The following PRKAA1 variants were observed in gnomAD, a reference collection of about 807,000 sequenced individuals.
PRKAA1 encodes 5'-AMP-activated protein kinase catalytic subunit alpha-1.
A neutral mutation model predicts 56.9 loss-of-function variants in PRKAA1; 23 were observed. The observed-to-expected ratio is 0.40, with a 90% CI of 0.29 to 0.57. The LOEUF (loss-of-function observed/expected upper bound fraction) is 0.57, where lower values mean the gene tolerates loss of function less well. Among genes scored for constraint, PRKAA1 ranks in the 20% least tolerant of loss-of-function variants. PRKAA1 has a pLI of 0.39. For missense variants in PRKAA1, 413 were observed against 679.7 expected (o/e 0.61, Z 4.36); for synonymous variants, 226 against 227.0 (o/e 1.00, Z 0.04).
chr5:40,778,779 A>AT (rs70988808), intron 1 of PRKAA1, among the ~76,000 whole-genome samples: 1,003 of 57,546 alleles, frequency 0.017, 5 homozygotes, highest in Non-Finnish European at 0.021. Flanking sequence ...CTGTTTTTTA[A>AT]TTTTTTTTTT....
intron 3 of PRKAA1, among the ~76,000 whole-genome samples, chr5:40,773,022 C>T (rs1358048892): frequency 6.6e-6 from 1 of 152,138 alleles, no homozygotes; most frequent in Non-Finnish European, 1.5e-5. Context: ...GACATGCCTG[C>T]TCCCAAGAAG....
chr5:40,795,002 T>TACACACACACACAC (rs1268975851), intron 1 of PRKAA1, among the ~76,000 whole-genome samples: 45 of 57,650 alleles, frequency 7.8e-4, no homozygotes, highest in African/African-American at 2.4e-3. Flanking sequence ...GGTGTATACA[T>TACACACACACACAC]ATATATACAC....
At chr5:40,784,260 TAGATGC>T (rs1468367334) in intron 1 of PRKAA1, among the ~76,000 whole-genome samples, 2 of 152,226 alleles carry the variant, frequency 1.3e-5, no homozygotes, top group African/African-American at 4.8e-5. Flanking sequence ...CCTATCCATG[TAGATGC>T]AATAGCATTC....
rs538204134 is a variant in PRKAA1 at position 40,761,072 on chromosome 5, T to C, written c.*1706A>G. On this transcript the variant is annotated 3_prime_UTR_variant, in exon 9 of 9. Coordinates refer to ENST00000397128, the MANE Select transcript of PRKAA1 (RefSeq NM_006251.6). ...GAAATCTTAGGAAAATCCAGTATCT[T>C]TAAAAAGTAATTTAAGCCCAAAACA... 6.6e-6 allele frequency: 1 copy of C among 152,350 alleles called. No homozygotes were observed. Among genetic ancestry groups the C allele is most frequent in the East Asian group, 1.9e-4 (1 of 5,306 alleles). The allele number at this position is 152,350 out of a possible 1,614,324, so 9.4% of individuals were successfully genotyped here.
rs1044292181 is a variant in PRKAA1 at position 40,771,598 on chromosome 5, G to A, written c.508+121C>T. The A allele has an allele frequency of 3.8e-5, 35 of 930,006 alleles. No homozygotes were observed. In the African/African-American group the frequency reaches 5.9e-4, roughly 16 times the overall value. 57.6% of individuals were successfully genotyped at this position (930,006 alleles called of 1,614,324 possible). A position where few individuals can be genotyped will look rare whatever the true frequency, so the allele number is the denominator to read the frequency against. ...CTTCATAGACAAAACAGAATACTTT[G>A]ATATACTCAGTCTATTACTTTATGT... On this transcript the variant is annotated intron_variant, in intron 4 of 8. Transcript: ENST00000397128.
chr5:40,790,545 T>A (rs1274078383), intron 1 of PRKAA1, among the ~76,000 whole-genome samples: 1 of 149,884 alleles, frequency 6.7e-6, no homozygotes, highest in Non-Finnish European at 1.5e-5. Flanking sequence ...TTTTTTGTTG[T>A]TGTTGTTGTT....
In PRKAA1 at chr5:40,761,052, CTT is replaced by C; in HGVS notation, c.*1724_*1725del. On this transcript the variant is annotated 3_prime_UTR_variant, in exon 9 of 9. Coordinates refer to ENST00000397128, the MANE Select transcript of PRKAA1 (RefSeq NM_006251.6). ...AAAAATATCAGTGTAAATCAGAAAT[CTT>C]AGGAAAATCCAGTATCTTTAAAAAG... 6.6e-6 allele frequency: 1 copy of C among 152,108 alleles called. No individual in the cohort carries two copies. The highest frequency in any genetic ancestry group is 1.5e-5 in the Non-Finnish European group (1 of 67,952). 9.4% of individuals were successfully genotyped at this position (152,108 alleles called of 1,614,324 possible).
rs145419869 is a variant in PRKAA1, at chr5:40,783,984, C to A, written c.128-6398G>T. ...CTTGGGCAAGTTAAAGAAACTACAA[C>A]CTTCTATTTACTCATCTTTAAAATA... is the stretch of plus-strand genomic sequence containing the variant. On this transcript the variant is annotated intron_variant, in intron 1 of 8. Transcript: ENST00000397128. Among the ~76,000 whole-genome samples the A allele has an allele frequency of 3.0e-3, 461 of 152,162 alleles. 4 individuals are homozygous for A. The highest frequency in any genetic ancestry group is 0.011 in the African/African-American group (439 of 41,500).
At chr5:40,767,378 G>T in intron 6 of PRKAA1, 88 bp downstream of exon 6, 1 of 1,070,560 alleles carries the variant, frequency 9.3e-7, no homozygotes, top group Non-Finnish European at 1.4e-6. Context: ...GGATTACACT[G>T]TATATTCTGT....
chr5:40,778,842 C>T (rs1474637926), intron 1 of PRKAA1, among the ~76,000 whole-genome samples: 6 of 136,138 alleles, frequency 4.4e-5, no homozygotes, highest in Admixed American at 4.1e-4. Flanking sequence ...GGTGGAGTGC[C>T]GTGTCACAAT....
intron 1 of PRKAA1, among the ~76,000 whole-genome samples, chr5:40,786,254 C>CA (rs35972942): frequency 0.23 from 27,918 of 123,582 alleles, 3,321 homozygotes; most frequent in Admixed American, 0.35. Context: ...GACTCCGTCT[C>CA]AAAAAAAAAA....
chr5:40,763,377 T>G (rs1743283887), intron 8 of PRKAA1, among the ~76,000 whole-genome samples: 1 of 152,182 alleles, frequency 6.6e-6, no homozygotes, highest in Non-Finnish European at 1.5e-5. Flanking sequence ...CACTTAAAAT[T>G]TGGAGGGTAT....
rs1743193704 is a variant in PRKAA1 at position 40,761,634 on chromosome 5, T to TA, written c.*1143dup. 2 of 152,346 alleles carry TA rather than the reference T, an allele frequency of 1.3e-5. No homozygotes were observed. The highest frequency in any genetic ancestry group is 2.1e-4 in the South Asian group (1 of 4,820). 9.4% of individuals were successfully genotyped at this position (152,346 alleles called of 1,614,324 possible). A position where few individuals can be genotyped will look rare whatever the true frequency, so the allele number is the denominator to read the frequency against. On this transcript the variant is annotated 3_prime_UTR_variant, in exon 9 of 9. Transcript: ENST00000397128. ...GGGGGGGAAGTCATATCAGAGCACT[T>TA]AAAGTTTGTAAGAGATAGTTTTCTA...
chr5:40,779,816 T>G lies in PRKAA1; in HGVS notation c.128-2230A>C, dbSNP rs527505256. Among the ~76,000 whole-genome samples, 8 of 152,282 alleles carry G rather than the reference T, an allele frequency of 5.3e-5. No homozygotes were observed. The South Asian group carries it at 1.7e-3, about 32-fold the overall frequency. On this transcript the variant is annotated intron_variant, in intron 1 of 8. Coordinates refer to ENST00000397128, the MANE Select transcript of PRKAA1 (RefSeq NM_006251.6). ...CATCTCTTCATTTACTGAGCAAGTT[T>G]CAACATTTTTATGTACATGCACAAT...
chr5:40,777,359 G>T, intron 2 of PRKAA1, 86 bp downstream of exon 2: 1 of 1,408,196 alleles, frequency 7.1e-7, no homozygotes, highest in Non-Finnish European at 9.7e-7. Context: ...AGAAGTGTCA[G>T]TCATTTTTCT....
chr5:40,766,296 A>G (rs1743431365), intron 6 of PRKAA1, among the ~76,000 whole-genome samples: 2 of 152,152 alleles, frequency 1.3e-5, no homozygotes, highest in African/African-American at 2.4e-5. Flanking sequence ...TAATGCTTTC[A>G]TATTTACTAT....
chr5:40,791,692 G>A (rs981437429), intron 1 of PRKAA1, among the ~76,000 whole-genome samples: 1 of 152,172 alleles, frequency 6.6e-6, no homozygotes, highest in African/African-American at 2.4e-5. Flanking sequence ...TCCTGGGGAA[G>A]GGTGGGCTTT....
chr5:40,797,344 A>C (rs568119368), intron 1 of PRKAA1, among the ~76,000 whole-genome samples: 2 of 152,236 alleles, frequency 1.3e-5, no homozygotes, highest in African/African-American at 4.8e-5. Context: ...GCAACATCTG[A>C]ACTAACAACG....
intron 2 of PRKAA1, among the ~76,000 whole-genome samples, chr5:40,776,833 GT>G (rs1026611588): frequency 5.3e-5 from 8 of 152,110 alleles, no homozygotes; most frequent in Admixed American, 2.6e-4. Context: ...GAGGTCAAGA[GT>G]TTTTACTAGC....
Sources: allele counts gnomAD v4.1 joint callset (sites outside exome capture counted in the v4.1 genomes callset), GRCh38; gene constraint gnomAD v4.1.1; transcripts MANE v1.5; gene names NCBI Gene and HGNC (gene_info 2026-07-23, HGNC 2026-07-21).